MAPK10: variants seen among roughly 807,000 people sequenced by gnomAD.
MAPK10 encodes the protein mitogen-activated protein kinase 10.
MAPK10 carries 25 observed loss-of-function variants against 59.3 expected under a neutral mutation model. That is an observed-to-expected ratio of 0.42 (90% CI 0.31 to 0.59). The LOEUF (loss-of-function observed/expected upper bound fraction) is 0.59, where lower values mean the gene tolerates loss of function less well. Among genes scored for constraint, MAPK10 ranks in the 20% least tolerant of loss-of-function variants. The pLI, the probability that MAPK10 is intolerant of heterozygous loss-of-function variation, is 0.15. For missense variants in MAPK10, 351 were observed against 568.9 expected (o/e 0.62, Z 3.90); for synonymous variants, 190 against 200.5 (o/e 0.95, Z 0.44).
At chr4:86,593,734 G>A (rs1399906406) in intron 1 of MAPK10, 2 of 152,104 alleles carry the variant, frequency 1.3e-5, no homozygotes, top group South Asian at 2.1e-4. Context: ...AAAACTCACC[G>A]GGCTTTTTTC....
chr4:86,483,007 T>A (rs1183365846), intron 1 of MAPK10, among the ~76,000 whole-genome samples: 1 of 151,874 alleles, frequency 6.6e-6, no homozygotes, highest in Admixed American at 6.6e-5. Flanking sequence ...ACAGCAGGGG[T>A]TAAATGTGCA....
At chr4:86,019,052 T>G (rs1291374465) in intron 13 of MAPK10, among the ~76,000 whole-genome samples, 1 of 152,236 alleles carries the variant, frequency 6.6e-6, no homozygotes, top group Non-Finnish European at 1.5e-5. Context: ...CACCTGTATC[T>G]TCCATGTATT....
chr4:86,076,497 G>A (rs971204328), intron 9 of MAPK10, among the ~76,000 whole-genome samples: 3 of 152,158 alleles, frequency 2.0e-5, no homozygotes, highest in African/African-American at 7.2e-5. Context: ...CATGTTCAGT[G>A]CTTGTTTCAA....
intron 1 of MAPK10, among the ~76,000 whole-genome samples, chr4:86,578,828 C>A (rs1190488245): frequency 1.3e-5 from 2 of 151,498 alleles, no homozygotes; most frequent in African/African-American, 2.4e-5. Flanking sequence ...CAACTTGTGA[C>A]ATAATGAAGC....
intron 3 of MAPK10, among the ~76,000 whole-genome samples, chr4:86,174,943 A>C (rs902744751): frequency 6.6e-6 from 1 of 152,132 alleles, no homozygotes; most frequent in African/African-American, 2.4e-5. Flanking sequence ...AAACTTTTTC[A>C]AGTTATGGGC....
chr4:86,289,652 T>G (rs2095155385), intron 2 of MAPK10, among the ~76,000 whole-genome samples: 1 of 150,026 alleles, frequency 6.7e-6, no homozygotes, highest in African/African-American at 2.4e-5. Flanking sequence ...ATTATATGTA[T>G]GTTATAATGC....
At chr4:86,545,667 C>A (rs1482698840) in intron 1 of MAPK10, among the ~76,000 whole-genome samples, 1 of 152,026 alleles carries the variant, frequency 6.6e-6, no homozygotes, top group Non-Finnish European at 1.5e-5. Context: ...CAGGAAGCAG[C>A]ATAAAGATCT....
At chr4:86,020,862 T>C (rs1376480257) in intron 13 of MAPK10, 1 of 152,410 alleles carries the variant, frequency 6.6e-6, no homozygotes, top group Non-Finnish European at 1.5e-5. Flanking sequence ...AGTAGCAACA[T>C]CTACTGCAAA....
chr4:86,215,740 T>C (rs2087321776), intron 2 of MAPK10, among the ~76,000 whole-genome samples: 1 of 152,082 alleles, frequency 6.6e-6, no homozygotes, highest in Non-Finnish European at 1.5e-5. Context: ...TGCTCACCTG[T>C]AGTCCCAGCT....
intron 4 of MAPK10, among the ~76,000 whole-genome samples, chr4:86,148,197 AG>A (rs534252207): frequency 2.4e-4 from 36 of 152,288 alleles, no homozygotes; most frequent in African/African-American, 7.5e-4. Flanking sequence ...TACAGATGAG[AG>A]GGCAATTACT....
intron 1 of MAPK10, among the ~76,000 whole-genome samples, chr4:86,427,759 C>T (rs1747494652): frequency 1.3e-5 from 2 of 152,128 alleles, no homozygotes; most frequent in African/African-American, 4.8e-5. Context: ...AATTTTTATA[C>T]TTTATTTCTG....
At chr4:86,072,258 G>C (rs1316987399) in intron 9 of MAPK10, among the ~76,000 whole-genome samples, 3 of 151,646 alleles carry the variant, frequency 2.0e-5, no homozygotes, top group Non-Finnish European at 4.4e-5. Flanking sequence ...CTGAGACTTT[G>C]CTGAAGTTGC....
chr4:86,171,508 G>A (rs190027434), intron 3 of MAPK10, among the ~76,000 whole-genome samples: 12,255 of 151,088 alleles, frequency 0.081, 1,101 homozygotes, highest in African/African-American at 0.22. Flanking sequence ...TGGTGCTGGG[G>A]AAACTGGCTA....
chr4:86,143,540 A>G (rs527642413), intron 4 of MAPK10, among the ~76,000 whole-genome samples: 12 of 152,280 alleles, frequency 7.9e-5, no homozygotes, highest in African/African-American at 2.9e-4. Flanking sequence ...TCACTGTACT[A>G]TGTGTCTCTT....
chr4:86,283,485 A>G (rs961064023), intron 2 of MAPK10, among the ~76,000 whole-genome samples: 2 of 152,240 alleles, frequency 1.3e-5, no homozygotes, highest in Non-Finnish European at 2.9e-5. Context: ...ACAAGAGAAC[A>G]GTGTCCTTAC....
chr4:86,425,456 A>C (rs992619236), intron 1 of MAPK10, among the ~76,000 whole-genome samples: 4 of 152,028 alleles, frequency 2.6e-5, no homozygotes, highest in Non-Finnish European at 5.9e-5. Flanking sequence ...TTTAGGCTTT[A>C]ATATTTTCAC....
At chr4:86,405,842 C>G (rs1744294351) in intron 1 of MAPK10, among the ~76,000 whole-genome samples, 2 of 152,170 alleles carry the variant, frequency 1.3e-5, no homozygotes, top group Admixed American at 1.3e-4. Flanking sequence ...GCTTTTAGCT[C>G]AATGTCTAGA....
intron 3 of MAPK10, among the ~76,000 whole-genome samples, chr4:86,163,544 A>C (rs922812268): frequency 1.3e-5 from 2 of 152,138 alleles, no homozygotes; most frequent in African/African-American, 4.8e-5. Flanking sequence ...AAAGAAAAAA[A>C]AATTCATGTT....
At chr4:86,061,124 G>C (rs1211659528) in intron 11 of MAPK10, among the ~76,000 whole-genome samples, 1 of 152,130 alleles carries the variant, frequency 6.6e-6, no homozygotes, top group African/African-American at 2.4e-5. Context: ...TCTTAGTTTA[G>C]AAAACTGAGT....
Sources: gnomAD v4.1 joint callset for allele counts (sites outside exome capture counted in the v4.1 genomes callset) on GRCh38, gnomAD v4.1.1 for gene constraint, MANE v1.5 for transcripts, NCBI Gene and HGNC (gene_info 2026-07-23, HGNC 2026-07-21) for gene names.